The following MSH5 variants were observed in gnomAD, a reference collection of about 807,000 sequenced individuals.
MSH5 encodes the protein mutS homolog 5.
In MSH5, 78 loss-of-function variants were observed where a neutral mutation model predicts 107.7. That is an observed-to-expected ratio of 0.72 (90% CI 0.60 to 0.87). The LOEUF (loss-of-function observed/expected upper bound fraction) is 0.87, where lower values mean the gene tolerates loss of function less well. Ranked by LOEUF, MSH5 falls within the 40% of genes least tolerant of loss-of-function variation. The pLI, the probability that MSH5 is intolerant of heterozygous loss-of-function variation, is 0.00. For missense variants in MSH5, 889 were observed against 1,046.6 expected, an observed-to-expected ratio of 0.85 and a Z score of 2.08; for synonymous variants, 326 against 399.5, an observed-to-expected ratio of 0.82 and a Z score of 2.19.
At position 31,759,854 on chromosome 6, in the gene MSH5, G is replaced by A. The variant is rs1293085972; in HGVS notation, c.1564G>A (p.Val522Ile). 2.5e-6 allele frequency: 4 copies of A among 1,614,112 alleles called. No homozygotes were observed. Among genetic ancestry groups the A allele is most frequent in the South Asian group, 1.1e-5 (1 of 91,086 alleles). The change falls in exon 18 of 25, where the codon GTA becomes ATA. Residue 522 changes from valine (V) to isoleucine (I), a missense_variant. This residue lies in a region of MSH5 where 362 missense variants were observed against 456.2 expected (regional missense o/e 0.79). Coordinates refer to ENST00000375750, the MANE Select transcript of MSH5 (RefSeq NM_172166.4). The surrounding 1 kb of genome is among the most constrained non-coding windows in gnomAD (Gnocchi z 4.7). ...VLARAAVLTR[V>I]LDLASRLDVL... ...GGCACGAGCAGCTGTCTTAACCCGA[G>A]TATTGGACCTTGCCTCCCGCCTGGA... is the stretch of plus-strand genomic sequence containing the variant.
chr6:31,748,941 A>C (rs1340458772), intron 10 of MSH5, among the ~76,000 whole-genome samples: 1 of 137,354 alleles, frequency 7.3e-6, no homozygotes, highest in African/African-American at 2.8e-5. Context: ...TTTGAGACGG[A>C]GTCTCCCTCT....
At position 31,740,982 on chromosome 6, in the gene MSH5, A is replaced by G. The variant is rs1218529598; in HGVS notation, c.148-181A>G. ...TCTCAAAGAAAGAAAGAAAAAAAAA[A>G]CAGGGTTGGGAAGAGCTGGGCAAGT... On this transcript the variant is annotated intron_variant, in intron 2 of 24. Coordinates refer to ENST00000375750, the MANE Select transcript of MSH5 (RefSeq NM_172166.4). This position sits in a 1 kb window ranked among gnomAD's most constrained non-coding sequence, Gnocchi z 4.4. Among the ~76,000 whole-genome samples, 3 of 151,950 alleles carry G rather than the reference A, an allele frequency of 2.0e-5. No individual in the cohort carries two copies. Among genetic ancestry groups the G allele is most frequent in the Non-Finnish European group, 4.4e-5 (3 of 67,978 alleles).
intron 4 of MSH5, 60 bp from the exon 5 acceptor site, chr6:31,743,048 A>G (rs1048467084): frequency 1.2e-6 from 2 of 1,610,320 alleles, no homozygotes; most frequent in African/African-American, 2.7e-5. Flanking sequence ...AGGGAGTGTC[A>G]GACAGAGGTA....
rs373861608 is a variant in MSH5, at chr6:31,758,650, G to A, written c.1216+30G>A. ...GTGTTGGGTGTGGATGGGCCTGTGA[G>A]CCCTGCGCAGTGATGGAGTACCATC... On this transcript the variant is annotated intron_variant, in intron 14 of 24. Coordinates refer to ENST00000375750, the MANE Select transcript of MSH5 (RefSeq NM_172166.4). This position sits in a 1 kb window ranked among gnomAD's most constrained non-coding sequence, Gnocchi z 5.1. The A allele has an allele frequency of 1.6e-4, 260 of 1,613,154 alleles. 3 individuals are homozygous for A. In the African/African-American group the frequency reaches 2.8e-3, roughly 18 times the overall value.
At chr6:31,753,652 C>T (rs1169282477) in intron 12 of MSH5, 23 bp downstream of exon 12, 8 of 1,612,918 alleles carry the variant, frequency 5.0e-6, no homozygotes, top group Non-Finnish European at 5.9e-6. Flanking sequence ...TTCTTGAATC[C>T]CAAAAGTCCA....
At chr6:31,748,601 C>G (rs1423808741) in intron 10 of MSH5, among the ~76,000 whole-genome samples, 1 of 152,016 alleles carries the variant, frequency 6.6e-6, no homozygotes, top group Non-Finnish European at 1.5e-5. Context: ...CTCGGCCTCC[C>G]AAAGTGCTGG....
Position 31,752,181 on chromosome 6 carries a change from C to G in MSH5, c.813-1120C>G, listed in dbSNP as rs561680546. ...ACATGCCGGGCGCGGTGGCTCATGC[C>G]TGTAATCCCAGCACTTTGGGAGGCC... On this transcript the variant is annotated intron_variant, in intron 10 of 24. Coordinates refer to ENST00000375750, the MANE Select transcript of MSH5 (RefSeq NM_172166.4). Among the ~76,000 whole-genome samples the G allele has an allele frequency of 5.9e-5, 9 of 151,836 alleles. No individual in the cohort carries two copies. In the South Asian group the frequency reaches 1.0e-3, roughly 18 times the overall value.
chr6:31,759,902 G>A lies in MSH5; in HGVS notation c.1612G>A (p.Ala538Thr). ...GGACGTCCTGCTGGCTCTTGCCAGT[G>A]CTGCCCGGGACTATGGCTACTCAAG... ...RLDVLLALAS[A>T]ARDYGYSRPR... The change falls in exon 18 of 25, where the codon GCT becomes ACT. Residue 538 changes from alanine (A) to threonine (T), a missense_variant. Ala to Thr is a moderately conservative substitution (Grantham distance 58). Transcript: ENST00000375750. This position sits in a 1 kb window ranked among gnomAD's most constrained non-coding sequence, Gnocchi z 4.7. 1 of 1,614,180 alleles carries A rather than the reference G, an allele frequency of 6.2e-7. No individual in the cohort carries two copies. Among genetic ancestry groups the A allele is most frequent in the Non-Finnish European group, 8.5e-7 (1 of 1,180,034 alleles).
rs573993138 is a variant in MSH5, at chr6:31,761,093, A to T, written c.1963-95A>T. The T allele has an allele frequency of 1.6e-6, 2 of 1,222,246 alleles. No individual in the cohort carries two copies. The highest frequency in any genetic ancestry group is 2.3e-6 in the Non-Finnish European group (2 of 851,292). The allele number at this position is 1,222,246 out of a possible 1,614,324, so 75.7% of individuals were successfully genotyped here. A position where few individuals can be genotyped will look rare whatever the true frequency, so the allele number is the denominator to read the frequency against. ...TTCAAGAACTTGCAGTGCAGTAGGGAGGGCATGTATACAGCTTTATTCACA... is the reference window on the plus strand; with the variant it reads ...TTCAAGAACTTGCAGTGCAGTAGGGTGGGCATGTATACAGCTTTATTCACA... On this transcript the variant is annotated intron_variant, in intron 20 of 24. Coordinates refer to ENST00000375750, the MANE Select transcript of MSH5 (RefSeq NM_172166.4). The surrounding 1 kb of genome is among the most constrained non-coding windows in gnomAD (Gnocchi z 5.3).
At chr6:31,750,887 T>C (rs1809892709) in intron 10 of MSH5, among the ~76,000 whole-genome samples, 2 of 152,212 alleles carry the variant, frequency 1.3e-5, no homozygotes, top group African/African-American at 2.4e-5. Context: ...AGAAAAGAAT[T>C]TGTGGGCTCA....
In MSH5 at chr6:31,760,181, C is replaced by A; in HGVS notation, c.1777C>A (p.Pro593Thr). ...AGGGAGGGTCAAAGTCATCACTGGA[C>A]CCAACTCATCAGGGAAGAGCATATA... ...DKGRVKVITG[P>T]NSSGKSIYLK... The change falls in exon 19 of 25, where the codon CCC (proline) becomes ACC (threonine). Residue 593 changes from proline (P) to threonine (T), a missense_variant. Physicochemically the swap from Pro to Thr is conservative, Grantham distance 38. Transcript: ENST00000375750. The surrounding 1 kb of genome is among the most constrained non-coding windows in gnomAD (Gnocchi z 5.6). 1 of 1,611,358 alleles carries A rather than the reference C, an allele frequency of 6.2e-7. No homozygotes were observed. The highest frequency in any genetic ancestry group is 1.1e-5 in the South Asian group (1 of 90,608).
intron 7 of MSH5, 38 bp from the exon 8 acceptor site, chr6:31,744,508 C>T: frequency 3.1e-6 from 5 of 1,612,976 alleles, no homozygotes; most frequent in Non-Finnish European, 4.2e-6. Flanking sequence ...GTGGAACGAA[C>T]TCAGACTGCT....
At position 31,753,630 on chromosome 6, in the gene MSH5, G is replaced by A; in HGVS notation, c.1014+1G>A. ...CAGCGACTGGCAGGTTCTCTACAAG[G>A]TAAGGCCTTCCTTCTTGAATCCCAA... On this transcript the variant is annotated splice_donor_variant, in intron 12 of 24. Coordinates refer to ENST00000375750, the MANE Select transcript of MSH5 (RefSeq NM_172166.4). LOFTEE classifies it high-confidence loss of function. 1 of 1,614,100 alleles carries A rather than the reference G, an allele frequency of 6.2e-7. No homozygotes were observed. The highest frequency in any genetic ancestry group is 8.5e-7 in the Non-Finnish European group (1 of 1,179,962).
chr6:31,756,668 C>T (rs1239284140), intron 12 of MSH5: 1 of 151,764 alleles, frequency 6.6e-6, no homozygotes, highest in Non-Finnish European at 1.5e-5. Context: ...CAGAGTCTTG[C>T]TCTGTCACCA....
At chr6:31,748,150 C>G (rs1008516186) in intron 10 of MSH5, among the ~76,000 whole-genome samples, 6 of 152,142 alleles carry the variant, frequency 3.9e-5, no homozygotes, top group African/African-American at 1.2e-4. Context: ...TTGCATATCA[C>G]CACCTGCAGT....
intron 9 of MSH5, 118 bp downstream of exon 9, chr6:31,745,437 A>C (rs1037719272): frequency 1.4e-6 from 1 of 703,236 alleles, no homozygotes; most frequent in Admixed American, 2.7e-5. Context: ...TATCTCTTTC[A>C]TGCCAATCCA....
chr6:31,755,132 T>C (rs951977078), intron 12 of MSH5, among the ~76,000 whole-genome samples: 1 of 152,080 alleles, frequency 6.6e-6, no homozygotes, highest in Admixed American at 6.5e-5. Context: ...AAAATTGTAT[T>C]ATTTGGTATC....
chr6:31,760,883 G>A lies in MSH5; in HGVS notation c.1962+44G>A. On this transcript the variant is annotated intron_variant, in intron 20 of 24. Coordinates refer to ENST00000375750, the MANE Select transcript of MSH5 (RefSeq NM_172166.4). The surrounding 1 kb of genome is among the most constrained non-coding windows in gnomAD (Gnocchi z 5.6). ...AGGTGGGATTGAGGAAGGGGATAATGGGAAAGGAACCCCTGAAAATGCTCA... is the reference window on the plus strand; with the variant it reads ...AGGTGGGATTGAGGAAGGGGATAATAGGAAAGGAACCCCTGAAAATGCTCA... 6.3e-7 allele frequency: 1 copy of A among 1,588,658 alleles called. No homozygotes were observed. Among genetic ancestry groups the A allele is most frequent in the Non-Finnish European group, 8.6e-7 (1 of 1,165,046 alleles).
rs778148878 is a variant in MSH5, at chr6:31,761,897, C to T, written c.2261C>T (p.Ala754Val). 23 of 1,613,166 alleles carry T rather than the reference C, an allele frequency of 1.4e-5. No homozygotes were observed. Among genetic ancestry groups the T allele is most frequent in the Non-Finnish European group, 1.7e-5 (20 of 1,179,970 alleles). ...VCEGVAKASH[A>V]SHTAAQAGLP... ...GAAGGTGTTGCGAAGGCCAGCCATGCCTCCCACACAGCTGCCCAGGCTGGG... is the reference window on the plus strand; with the variant it reads ...GAAGGTGTTGCGAAGGCCAGCCATGTCTCCCACACAGCTGCCCAGGCTGGG... The change falls in exon 23 of 25, where the codon GCC becomes GTC. Residue 754 changes from alanine (A) to valine (V), a missense_variant. Physicochemically the swap from Ala to Val is moderately conservative, Grantham distance 64 (BLOSUM62 0). Around this residue, in one of 3 missense-constraint regions of MSH5, gnomAD observed 362 missense variants for 456.2 expected, o/e 0.79. Transcript: ENST00000375750. The surrounding 1 kb of genome is among the most constrained non-coding windows in gnomAD (Gnocchi z 5.3).
Sources: gnomAD v4.1 joint callset for allele counts (sites outside exome capture counted in the v4.1 genomes callset) on GRCh38, gnomAD v4.1.1 for gene constraint, gnomAD v4.1.1 regional missense constraint, Gnocchi (gnomAD v3.1) non-coding constraint, MANE v1.5 for transcripts, NCBI Gene and HGNC (gene_info 2026-07-23, HGNC 2026-07-21) for gene names.